Variants in GPR137C observed in about 807,000 individuals in gnomAD.
GPR137C encodes the protein G protein-coupled receptor 137C, also known as integral membrane protein GPR137C.
A neutral mutation model predicts 43.4 loss-of-function variants in GPR137C; 27 were observed. That is an observed-to-expected ratio of 0.62 (90% CI 0.46 to 0.86). The LOEUF (loss-of-function observed/expected upper bound fraction) is 0.86, where lower values mean the gene tolerates loss of function less well. Ranked by LOEUF, GPR137C falls within the 40% of genes least tolerant of loss-of-function variation. The pLI is 0.00. For missense variants in GPR137C, 522 were observed against 534.6 expected, an observed-to-expected ratio of 0.98 and a Z score of 0.23; for synonymous variants, 285 against 226.9, an observed-to-expected ratio of 1.26 and a Z score of -2.30.
intron 1 of GPR137C, among the ~76,000 whole-genome samples, chr14:52,593,160 C>A (rs536664392): frequency 2.0e-5 from 3 of 152,186 alleles, no homozygotes; most frequent in Non-Finnish European, 4.4e-5. Flanking sequence ...TTAAACCAGC[C>A]TTGCATCCCA....
At chr14:52,617,239 T>C (rs562498607) in intron 3 of GPR137C, among the ~76,000 whole-genome samples, 1 of 152,300 alleles carries the variant, frequency 6.6e-6, no homozygotes, top group African/African-American at 2.4e-5. Flanking sequence ...TTTCTGTATA[T>C]CTCTGTAATT....
intron 1 of GPR137C, among the ~76,000 whole-genome samples, chr14:52,561,835 T>C (rs974578806): frequency 6.6e-6 from 1 of 152,120 alleles, no homozygotes; most frequent in Non-Finnish European, 1.5e-5. Context: ...AGGGAGGACT[T>C]ACAAAAAGAG....
chr14:52,596,907 A>G (rs142299190), intron 1 of GPR137C: 61 of 453,978 alleles, frequency 1.3e-4, no homozygotes, highest in Admixed American at 2.8e-4. Context: ...TTCTGCGTCA[A>G]CCTTGCTAGG....
chr14:52,624,419 G>A (rs2039196799), intron 3 of GPR137C, among the ~76,000 whole-genome samples: 1 of 152,006 alleles, frequency 6.6e-6, no homozygotes. Flanking sequence ...GGAGTGTGTG[G>A]AGTAGGAAAA....
rs763220148 is a variant in GPR137C at position 52,553,382 on chromosome 14, C to G, written c.235C>G (p.Leu79Val). 1 of 1,605,584 alleles carries G rather than the reference C, an allele frequency of 6.2e-7. No individual in the cohort carries two copies. Among genetic ancestry groups the G allele is most frequent in the South Asian group, 1.1e-5 (1 of 90,984 alleles). The stretch of plus-strand genomic sequence containing the variant: ...GCTGCTCCTGTACCGCGAGCGGCGG[C>G]TGAGTTACCAGAGCCTCTGCCTCTT... Reference protein sequence around the residue: ...WRLLLYRERRLSYQSLCLFLC... With the variant: ...WRLLLYRERRVSYQSLCLFLC... The change falls in exon 1 of 7, where the codon CTG becomes GTG. Residue 79 changes from leucine (L) to valine (V), a missense_variant. Coordinates refer to ENST00000321662, the MANE Select transcript of GPR137C (RefSeq NM_001099652.2).
At chr14:52,581,683 A>C (rs764548172) in intron 1 of GPR137C, among the ~76,000 whole-genome samples, 5 of 152,232 alleles carry the variant, frequency 3.3e-5, no homozygotes, top group Non-Finnish European at 5.9e-5. Context: ...GAACTTAAGC[A>C]ATTGATATGG....
chr14:52,591,981 C>T lies in GPR137C; in HGVS notation c.445-6291C>T, dbSNP rs141539078. 4.4e-3 allele frequency among the ~76,000 whole-genome samples: 668 copies of T among 152,178 alleles called. 4 individuals are homozygous for T. The highest frequency in any genetic ancestry group is 0.015 in the African/African-American group (617 of 41,532). On this transcript the variant is annotated intron_variant, in intron 1 of 6. Coordinates refer to ENST00000321662, the MANE Select transcript of GPR137C (RefSeq NM_001099652.2). ...AGGTCTTACATTTAAGTCTTTAATA[C>T]GCCTTGAATTAATTTTTGTATAAGG...
intron 3 of GPR137C, among the ~76,000 whole-genome samples, chr14:52,611,031 C>T (rs1168859333): frequency 6.6e-6 from 1 of 151,996 alleles, no homozygotes; most frequent in East Asian, 1.9e-4. Context: ...TGGATTTTGC[C>T]ATAATACTCT....
intron 4 of GPR137C, among the ~76,000 whole-genome samples, 198 bp from the exon 5 acceptor site, chr14:52,633,332 T>A (rs938744650): frequency 1.3e-5 from 2 of 152,150 alleles, no homozygotes; most frequent in Admixed American, 6.6e-5. Context: ...TTTTTATTTT[T>A]TGTAGCTTCA....
At chr14:52,632,375 C>T in intron 4 of GPR137C, 66 bp downstream of exon 4, 1 of 1,151,092 alleles carries the variant, frequency 8.7e-7, no homozygotes, top group Non-Finnish European at 1.3e-6. Context: ...TCTAGAAGAA[C>T]ACTGTAGTGT....
chr14:52,594,169 T>C (rs1249690614), intron 1 of GPR137C, among the ~76,000 whole-genome samples: 1 of 150,078 alleles, frequency 6.7e-6, no homozygotes, highest in Non-Finnish European at 1.5e-5. Flanking sequence ...CTGAGATTGA[T>C]TGCCCTGTGG....
Position 52,637,336 on chromosome 14 carries a change from C to A in GPR137C, c.*2221C>A, listed in dbSNP as rs183067452. On this transcript the variant is annotated 3_prime_UTR_variant, in exon 7 of 7. Transcript: ENST00000321662. Reference sequence around the variant, plus strand: ...ATCAAAGGGCTACCGATTCCCTGTTCATCCTGCACTGAAGCACATGATGAC... The same window carrying A: ...ATCAAAGGGCTACCGATTCCCTGTTAATCCTGCACTGAAGCACATGATGAC... The A allele has an allele frequency of 6.6e-6, 1 of 152,266 alleles. No individual in the cohort carries two copies. Among genetic ancestry groups the A allele is most frequent in the East Asian group, 1.9e-4 (1 of 5,188 alleles). The allele number at this position is 152,266 out of a possible 1,614,324, so 9.4% of individuals were successfully genotyped here.
Position 52,633,518 on chromosome 14 carries a change from C to A in GPR137C, c.868-12C>A. 1.9e-6 allele frequency: 3 copies of A among 1,608,724 alleles called. No homozygotes were observed. On this transcript the variant is annotated splice_polypyrimidine_tract_variant and intron_variant, in intron 4 of 6. Transcript: ENST00000321662. ...ACAGATGTAAAAATTCTCTGCCATG[C>A]TCTATTTACAGGCTCATGTAGAAGA...
chr14:52,557,180 A>G (rs572960637), intron 1 of GPR137C, among the ~76,000 whole-genome samples: 3 of 152,192 alleles, frequency 2.0e-5, no homozygotes, highest in East Asian at 1.9e-4. Flanking sequence ...AATATTTTAC[A>G]TATTTTTATC....
Position 52,637,412 on chromosome 14 carries a change from G to A in GPR137C, c.*2297G>A, listed in dbSNP as rs1217926860. 1 of 151,916 alleles carries A rather than the reference G, an allele frequency of 6.6e-6. No homozygotes were observed. Among genetic ancestry groups the A allele is most frequent in the African/African-American group, 2.4e-5 (1 of 41,230 alleles). 9.4% of individuals were successfully genotyped at this position (151,916 alleles called of 1,614,324 possible). On this transcript the variant is annotated 3_prime_UTR_variant, in exon 7 of 7. Transcript: ENST00000321662. ...TTAAAAAGTGAATTTCATTACTTAA[G>A]TGTGTAATTCTATAGTGATTAGCAG...
intron 1 of GPR137C, among the ~76,000 whole-genome samples, chr14:52,571,389 G>T (rs1441543884): frequency 1.3e-5 from 2 of 152,184 alleles, no homozygotes; most frequent in Non-Finnish European, 2.9e-5. Context: ...AAGCAGGAAA[G>T]ATCTAAAATT....
chr14:52,576,011 A>C (rs2038545680), intron 1 of GPR137C, among the ~76,000 whole-genome samples: 1 of 152,148 alleles, frequency 6.6e-6, no homozygotes, highest in South Asian at 2.1e-4. Context: ...ATAGGCATGG[A>C]GCATCCACAT....
chr14:52,627,292 C>A (rs12883381), intron 3 of GPR137C, among the ~76,000 whole-genome samples: 5 of 151,840 alleles, frequency 3.3e-5, no homozygotes, highest in African/African-American at 9.7e-5. Flanking sequence ...AACTGGGGAG[C>A]TGAGGTAGGA....
intron 1 of GPR137C, among the ~76,000 whole-genome samples, chr14:52,583,949 A>G (rs376766506): frequency 6.6e-6 from 1 of 152,150 alleles, no homozygotes; most frequent in East Asian, 1.9e-4. Flanking sequence ...TTTCTGACCA[A>G]TGTCTTCTCT....
Sources: gnomAD v4.1 joint callset for allele counts (sites outside exome capture counted in the v4.1 genomes callset) on GRCh38, gnomAD v4.1.1 for gene constraint, MANE v1.5 for transcripts, NCBI Gene and HGNC (gene_info 2026-07-23, HGNC 2026-07-21) for gene names.